The following FAM186B variants were observed in gnomAD, a reference collection of about 807,000 sequenced individuals.
FAM186B encodes the protein family with sequence similarity 186 member B, also known as protein FAM186B.
In FAM186B, 68 loss-of-function variants were observed where a neutral mutation model predicts 83.4. The observed-to-expected ratio is 0.81, with a 90% CI of 0.67 to 1.00. The LOEUF (loss-of-function observed/expected upper bound fraction) is 1.00, where lower values mean the gene tolerates loss of function less well. FAM186B is among the 50% of genes least tolerant of loss of function. The probability of loss-of-function intolerance (pLI) is 0.00; values close to 1 mark genes in which losing one functional copy is unlikely to be tolerated. For missense variants in FAM186B, 983 were observed against 1,099.2 expected, an observed-to-expected ratio of 0.89 and a Z score of 1.49; for synonymous variants, 389 against 422.0, an observed-to-expected ratio of 0.92 and a Z score of 0.96.
intron 5 of FAM186B, among the ~76,000 whole-genome samples, chr12:49,598,282 G>T (rs961852731): frequency 6.6e-6 from 1 of 152,140 alleles, no homozygotes; most frequent in African/African-American, 2.4e-5. Flanking sequence ...AAGAGACCTG[G>T]AATCTAGAAA....
intron 2 of FAM186B, among the ~76,000 whole-genome samples, chr12:49,603,696 A>G (rs958729895): frequency 6.6e-6 from 1 of 152,206 alleles, no homozygotes; most frequent in Non-Finnish European, 1.5e-5. Flanking sequence ...GCCTAGTCCA[A>G]CATCTGGACA....
At chr12:49,588,407 C>T in intron 6 of FAM186B, 47 bp downstream of exon 6, 1 of 1,569,104 alleles carries the variant, frequency 6.4e-7, no homozygotes, top group Non-Finnish European at 8.7e-7. Flanking sequence ...CTGCTCCCTG[C>T]CTCTTCACCC....
chr12:49,597,244 T>A (rs536675673), intron 5 of FAM186B, among the ~76,000 whole-genome samples: 1 of 152,334 alleles, frequency 6.6e-6, no homozygotes, highest in Admixed American at 6.5e-5. Context: ...CATTAAGTGA[T>A]GCATAACTGT....
chr12:49,589,978 C>CAA (rs57724815), intron 5 of FAM186B, among the ~76,000 whole-genome samples: 1,238 of 58,152 alleles, frequency 0.021, 3 homozygotes, highest in African/African-American at 0.043. Flanking sequence ...ACTCTGTCTC[C>CAA]AAAAAAAAAA....
chr12:49,608,516 CT>C (rs965819057), upstream of FAM186B, among the ~76,000 whole-genome samples: 9 of 150,394 alleles, frequency 6.0e-5, no homozygotes, highest in East Asian at 5.9e-4. Context: ...AACCAAAAAC[CT>C]TTTTTTTCCC....
At chr12:49,609,799 A>G (rs1837542576), upstream of FAM186B, among the ~76,000 whole-genome samples, 1 of 152,196 alleles carries the variant, frequency 6.6e-6, no homozygotes, top group Non-Finnish European at 1.5e-5. Flanking sequence ...TGTGCCTGCC[A>G]TTGAGGGACC....
Position 49,599,575 on chromosome 12 carries a change from G to A in FAM186B, c.2065C>T (p.Arg689Cys), listed in dbSNP as rs376783093. ...ESELRLPHYLRSKALELTTTT... is the reference protein window; with the variant it reads ...ESELRLPHYLCSKALELTTTT... ...GTGGTGAGCTCCAGTGCTTTGCTGC[G>A]CAGGTAGTGGGGCAGCCTCAACTCA... The change falls in exon 4 of 7, where the codon CGC (arginine) becomes TGC (cysteine). Residue 689 changes from arginine to cysteine, a missense_variant. Physicochemically the swap from Arg to Cys is radical, Grantham distance 180 (BLOSUM62 -3). Transcript: ENST00000257894. 36 of 1,612,532 alleles carry A rather than the reference G, an allele frequency of 2.2e-5. No individual in the cohort carries two copies. The highest frequency in any genetic ancestry group is 1.6e-4 in the Middle Eastern group (1 of 6,074).
chr12:49,615,124 G>A, the FAM186B span, among the ~76,000 whole-genome samples: 261 of 150,794 alleles, frequency 1.7e-3, 1 homozygote, highest in African/African-American at 5.5e-3. Flanking sequence ...GCGAGACTCC[G>A]TCTCAAAAAA....
At chr12:49,603,482 A>G in intron 2 of FAM186B, 115 bp from the exon 3 acceptor site, 1 of 1,000,974 alleles carries the variant, frequency 1.0e-6, no homozygotes, top group Admixed American at 2.4e-5. Context: ...TTTACCTCTT[A>G]CTAGCTATGT....
At chr12:49,596,663 C>G (rs1260862911) in intron 5 of FAM186B, among the ~76,000 whole-genome samples, 3 of 152,072 alleles carry the variant, frequency 2.0e-5, no homozygotes, top group African/African-American at 2.4e-5. Context: ...GAAAAGGGAA[C>G]CCTGTGCACT....
In FAM186B at chr12:49,599,035, A is replaced by G. The variant is rs532521462; in HGVS notation, c.2172-88T>C. On this transcript the variant is annotated intron_variant, in intron 4 of 6. Coordinates refer to ENST00000257894, the MANE Select transcript of FAM186B (RefSeq NM_032130.3). ...AACCAGAGATGACTTTGTTTTCTTT[A>G]ATTCCTTAGAGCAAAAAGAGAAATG... is the stretch of plus-strand genomic sequence containing the variant. 1.1e-5 allele frequency: 15 copies of G among 1,361,416 alleles called. No homozygotes were observed. In the East Asian group the frequency reaches 3.5e-4, roughly 31 times the overall value. The allele number at this position is 1,361,416 out of a possible 1,614,324, so 84.3% of individuals were successfully genotyped here.
chr12:49,615,983 T>A, the FAM186B span, among the ~76,000 whole-genome samples: 37 of 151,798 alleles, frequency 2.4e-4, no homozygotes, highest in African/African-American at 8.2e-4. Context: ...AACTCTTATA[T>A]GGTATATTGC....
At chr12:49,584,249 G>A, downstream of FAM186B, 1 of 479,618 alleles carries the variant, frequency 2.1e-6, no homozygotes, top group Non-Finnish European at 3.8e-6. Flanking sequence ...CTGAGTTGAG[G>A]AGGTGTGGGT....
intron 4 of FAM186B, 151 bp downstream of exon 4, chr12:49,599,318 C>T (rs548739325): frequency 2.2e-4 from 286 of 1,321,822 alleles, no homozygotes; most frequent in Non-Finnish European, 2.8e-4. Flanking sequence ...GCCAGACTTG[C>T]TTTCCAGGCC....
At chr12:49,607,957 C>A (rs1017890102), upstream of FAM186B, among the ~76,000 whole-genome samples, 1 of 151,958 alleles carries the variant, frequency 6.6e-6, no homozygotes, top group Admixed American at 6.6e-5. Flanking sequence ...ACCTTGGCCT[C>A]CCAAAGTGCT....
chr12:49,619,050 C>T, the FAM186B span, among the ~76,000 whole-genome samples: 1 of 152,230 alleles, frequency 6.6e-6, no homozygotes, highest in Non-Finnish European at 1.5e-5. Context: ...ACAGCAGTGT[C>T]AGAAGCTAGA....
At position 49,600,229 on chromosome 12, in the gene FAM186B, C is replaced by T. The variant is rs1404606711; in HGVS notation, c.1411G>A (p.Val471Met). Reference sequence around the variant, plus strand: ...GGCTCCTCTTGGCTCTCAGAGGTCACCTGCCTGGAGCTCTCTAGAGACAGC... The same window carrying T: ...GGCTCCTCTTGGCTCTCAGAGGTCATCTGCCTGGAGCTCTCTAGAGACAGC... Reference protein sequence around the residue: ...KQLSLESSRQVTSESQEEPWE... With the variant: ...KQLSLESSRQMTSESQEEPWE... Residue 471 changes from valine (V) to methionine (M), a missense_variant, in exon 4 of 7, where the codon GTG (valine) becomes ATG (methionine). By Grantham distance (21) the Val-to-Met change is conservative. Coordinates refer to ENST00000257894, the MANE Select transcript of FAM186B (RefSeq NM_032130.3). The surrounding 1 kb of genome is among the most constrained non-coding windows in gnomAD (Gnocchi z 4.3). 1.2e-6 allele frequency: 2 copies of T among 1,612,756 alleles called. No homozygotes were observed. Among genetic ancestry groups the T allele is most frequent in the African/African-American group, 1.3e-5 (1 of 74,900 alleles).
downstream of FAM186B, among the ~76,000 whole-genome samples, chr12:49,585,327 G>A (rs1003712405): frequency 5.9e-5 from 9 of 152,142 alleles, no homozygotes; most frequent in Admixed American, 1.3e-4. Context: ...CTGTACCAGC[G>A]TGTTTTTAGC....
intron 5 of FAM186B, among the ~76,000 whole-genome samples, chr12:49,590,141 T>G (rs1939550499): frequency 6.6e-6 from 1 of 151,168 alleles, no homozygotes; most frequent in Non-Finnish European, 1.5e-5. Flanking sequence ...CCAATATAAG[T>G]TTTTTTTTAG....
Sources: allele counts gnomAD v4.1 joint callset (sites outside exome capture counted in the v4.1 genomes callset), GRCh38; gene constraint gnomAD v4.1.1; non-coding constraint Gnocchi (gnomAD v3.1); transcripts MANE v1.5; gene names NCBI Gene and HGNC (gene_info 2026-07-23, HGNC 2026-07-21).